Variants in WIZ observed in about 807,000 individuals in gnomAD.
The protein encoded by WIZ is protein Wiz.
WIZ carries 25 observed loss-of-function variants against 140.2 expected under a neutral mutation model. The observed-to-expected ratio is 0.18, with a 90% CI of 0.13 to 0.25. The LOEUF (loss-of-function observed/expected upper bound fraction) is 0.25, where lower values mean the gene tolerates loss of function less well. Among genes scored for constraint, WIZ ranks in the 10% least tolerant of loss-of-function variants. The pLI is 1.00. For missense variants in WIZ, 2,231 were observed against 2,632.6 expected (o/e 0.85, Z 3.34); for synonymous variants, 1,125 against 1,154.3 (o/e 0.97, Z 0.51).
At position 15,424,193 on chromosome 19, in the gene WIZ, G is replaced by A; in HGVS notation, c.5500C>T (p.Leu1834Phe). 1 of 1,541,188 alleles carries A rather than the reference G, an allele frequency of 6.5e-7. No individual in the cohort carries two copies. Among genetic ancestry groups the A allele is most frequent in the Non-Finnish European group, 8.7e-7 (1 of 1,146,952 alleles). ...LVKFVGNIYT[L>F]KCRFCEVEFQ... ...CCAGGGGCAGCCTACCTGCATTTGA[G>A]GGTGTAGATGTTGCCCACGAACTTG... is the stretch of plus-strand genomic sequence containing the variant. The change falls in exon 12 of 13, where the codon CTC (leucine) becomes TTC (phenylalanine). Residue 1834 changes from leucine to phenylalanine, a missense_variant. Leu to Phe is a conservative substitution (Grantham distance 22, BLOSUM62 0). Coordinates refer to ENST00000673675, the MANE Select transcript of WIZ (RefSeq NM_001371589.1). This position sits in a 1 kb window ranked among gnomAD's most constrained non-coding sequence, Gnocchi z 9.7.
chr19:15,437,147 G>A lies in WIZ; in HGVS notation c.2417-18C>T. 2.6e-6 allele frequency: 4 copies of A among 1,564,036 alleles called. No homozygotes were observed. Among genetic ancestry groups the A allele is most frequent in the Non-Finnish European group, 3.5e-6 (4 of 1,155,360 alleles). On this transcript the variant is annotated intron_variant, in intron 4 of 12. Coordinates refer to ENST00000673675, the MANE Select transcript of WIZ (RefSeq NM_001371589.1). ...GTTGGCCACTGTGGAGAGAGGACAG[G>A]ACTGCCTGAGGTGGAGAGGGGGCTA... is the stretch of plus-strand genomic sequence containing the variant.
rs1968340722 is a variant in WIZ at position 15,420,821 on chromosome 19, A to C, written c.*2255T>G. 6.6e-6 allele frequency: 1 copy of C among 152,208 alleles called. No individual in the cohort carries two copies. Among genetic ancestry groups the C allele is most frequent in the Admixed American group, 6.5e-5 (1 of 15,276 alleles). The allele number at this position is 152,208 out of a possible 1,614,324, so 9.4% of individuals were successfully genotyped here. On this transcript the variant is annotated 3_prime_UTR_variant, in exon 13 of 13. Coordinates refer to ENST00000673675, the MANE Select transcript of WIZ (RefSeq NM_001371589.1). ...GTCACATCTAGCCTATACCACTTTT[A>C]TATTTCAAAAACTGACTTACGGGCC...
At chr19:15,438,538 C>A (rs1375383896) in intron 4 of WIZ, 40 bp downstream of exon 4, 1 of 1,454,790 alleles carries the variant, frequency 6.9e-7, no homozygotes. Context: ...GGTTGCCCAG[C>A]CATGTGTCTC....
Position 15,427,043 on chromosome 19 carries a change from T to C in WIZ, c.4305A>G (p.Glu1435=). Residue 1435 remains glutamate, a synonymous_variant, in exon 9 of 13, where the codon GAA becomes GAG. Coordinates refer to ENST00000673675, the MANE Select transcript of WIZ (RefSeq NM_001371589.1). The surrounding 1 kb of genome is among the most constrained non-coding windows in gnomAD (Gnocchi z 6.4). ...CCCAGGGACCCTCAGATGGGTGCAG[T>C]TCCCCATGAAGGGCCCCCGGCAGCA... ...REMLPGALHG[E]LHPSEGPWGA... 6.2e-7 allele frequency: 1 copy of C among 1,614,138 alleles called. No individual in the cohort carries two copies. Among genetic ancestry groups the C allele is most frequent in the Non-Finnish European group, 8.5e-7 (1 of 1,180,000 alleles).
Position 15,430,028 on chromosome 19 carries a change from G to C in WIZ, c.2973C>G (p.Ser991=). 1.8e-5 allele frequency: 27 copies of C among 1,535,902 alleles called. No individual in the cohort carries two copies. Among genetic ancestry groups the C allele is most frequent in the Non-Finnish European group, 2.4e-5 (27 of 1,146,776 alleles). ...GACFETRKGL[S]SHARSHLRQL... is the part of the protein sequence containing the mutation. ...GCCGCAGGTGGGAGCGCGCGTGGCT[G>C]GACAGGCCCTTTCGGGTCTCAAAGC... Residue 991 remains serine (S), a synonymous_variant, in exon 7 of 13, where the codon TCC becomes TCG. Coordinates refer to ENST00000673675, the MANE Select transcript of WIZ (RefSeq NM_001371589.1).
Position 15,425,465 on chromosome 19 carries a change from C to T in WIZ, c.4670G>A (p.Arg1557Gln), listed in dbSNP as rs576608225. The T allele has an allele frequency of 1.4e-5, 23 of 1,593,316 alleles. No homozygotes were observed. The highest frequency in any genetic ancestry group is 1.8e-5 in the Non-Finnish European group (21 of 1,169,794). The change falls in exon 10 of 13, where the codon CGG becomes CAG. Residue 1557 changes from arginine to glutamine, a missense_variant. This residue lies in a region of WIZ where 393 missense variants were observed against 451.7 expected (regional missense o/e 0.87). Coordinates refer to ENST00000673675, the MANE Select transcript of WIZ (RefSeq NM_001371589.1). ...SPLPLSPLAG[R>Q]PGKPGAGPAQ... ...CGGCCCTGCACCTGGTTTGCCTGGC[C>T]GGCCAGCCAGGGGCGACAGCGGCAG...
intron 10 of WIZ, 97 bp from the exon 11 acceptor site, chr19:15,425,129 A>G: frequency 1.3e-6 from 2 of 1,518,268 alleles, no homozygotes; most frequent in South Asian, 2.5e-5. Flanking sequence ...CGCCTCCCAC[A>G]CAGACCCAGC....
In WIZ at chr19:15,442,537, C is replaced by T. The variant is rs958323628; in HGVS notation, c.278+139G>A. 32 of 591,292 alleles carry T rather than the reference C, an allele frequency of 5.4e-5. No individual in the cohort carries two copies. The highest frequency in any genetic ancestry group is 7.7e-5 in the Non-Finnish European group (31 of 403,590). The allele number at this position is 591,292 out of a possible 1,614,324, so 36.6% of individuals were successfully genotyped here. On this transcript the variant is annotated intron_variant, in intron 3 of 12. Transcript: ENST00000673675. This position sits in a 1 kb window ranked among gnomAD's most constrained non-coding sequence, Gnocchi z 5.5. The stretch of plus-strand genomic sequence containing the variant: ...AGCACACGCCCAGGGGCTTGCCTGC[C>T]GGGAGCTGACTCCTCCTCCTGCCTG...
chr19:15,423,989 G>C lies in WIZ; in HGVS notation c.5510+194C>G, dbSNP rs1170890939. On this transcript the variant is annotated intron_variant, in intron 12 of 12. Coordinates refer to ENST00000673675, the MANE Select transcript of WIZ (RefSeq NM_001371589.1). ...GAGGTCACTAAGCTGGTAAGTGGCA[G>C]AGTTGGGATTTGAACCCAGGTCTCG... 8.1e-6 allele frequency: 4 copies of C among 495,882 alleles called. No individual in the cohort carries two copies. In the East Asian group the frequency reaches 1.4e-4, roughly 17 times the overall value. 30.7% of individuals were successfully genotyped at this position (495,882 alleles called of 1,614,324 possible).
At chr19:15,438,385 G>C (rs2145354955) in intron 4 of WIZ, among the ~76,000 whole-genome samples, 193 bp downstream of exon 4, 1 of 152,326 alleles carries the variant, frequency 6.6e-6, no homozygotes, top group South Asian at 2.1e-4. Flanking sequence ...CCTTCCTCCA[G>C]TGGCTGGAAT....
chr19:15,422,956 G>T lies in WIZ; in HGVS notation c.*120C>A. 6.9e-7 allele frequency: 1 copy of T among 1,440,340 alleles called. No individual in the cohort carries two copies. The highest frequency in any genetic ancestry group is 1.4e-5 in the South Asian group (1 of 71,918). The allele number at this position is 1,440,340 out of a possible 1,614,324, so 89.2% of individuals were successfully genotyped here. On this transcript the variant is annotated 3_prime_UTR_variant, in exon 13 of 13. Coordinates refer to ENST00000673675, the MANE Select transcript of WIZ (RefSeq NM_001371589.1). ...GTGTGCCCGGCCCCCAAGGGGCGCC[G>T]GTTTGAGGTTTTGGCTTGCTCCTTT...
Position 15,425,846 on chromosome 19 carries a change from GGAGGGAGGAGGGAGGAGGAGGA to G in WIZ, c.4367-100_4367-79del, listed in dbSNP as rs1599653809. 2.1e-4 allele frequency: 6 copies of G among 28,520 alleles called. 1 individual carries two copies. The highest frequency in any genetic ancestry group is 9.4e-4 in the South Asian group (2 of 2,120). The allele number at this position is 28,520 out of a possible 1,614,324, so 1.8% of individuals were successfully genotyped here. ...GAGGAGGGAGGAGGAGGGAGGAGGA[GGAGGGAGGAGGGAGGAGGAGGA>G]GGAGGAGGAGGAGGAGGAGGAGGAG... On this transcript the variant is annotated intron_variant, in intron 9 of 12. Transcript: ENST00000673675.
At position 15,438,708 on chromosome 19, in the gene WIZ, G is replaced by A. The variant is rs1164368237; in HGVS notation, c.2286C>T (p.Ile762=). ...GGCCCCGGACGTGGTTGGCCAAGCC[G>A]ATGCCGTTGTGGAAGCGATCGGGGC... ...PYCPDRFHNG[I]GLANHVRGHL... The change falls in exon 4 of 13, where the codon ATC becomes ATT. Residue 762 remains isoleucine (I), a synonymous_variant. Coordinates refer to ENST00000673675, the MANE Select transcript of WIZ (RefSeq NM_001371589.1). The A allele has an allele frequency of 1.8e-5, 28 of 1,536,058 alleles. No individual in the cohort carries two copies. Among genetic ancestry groups the A allele is most frequent in the Middle Eastern group, 1.7e-4 (1 of 6,012 alleles).
At position 15,425,665 on chromosome 19, in the gene WIZ, C is replaced by T; in HGVS notation, c.4470G>A (p.Gln1490=). ...TGACGGACCACTCGGTCACACCCAT[C>T]TGCCGCAGGTGTGAGCGCGCGTGAC... The part of the protein sequence containing the change: ...LSSHARSHLR[Q]MGVTEWSVNG... Residue 1490 remains glutamine, a synonymous_variant, in exon 10 of 13, where the codon CAG becomes CAA. Coordinates refer to ENST00000673675, the MANE Select transcript of WIZ (RefSeq NM_001371589.1). 1 of 1,613,598 alleles carries T rather than the reference C, an allele frequency of 6.2e-7. No individual in the cohort carries two copies. The highest frequency in any genetic ancestry group is 1.7e-5 in the Admixed American group (1 of 60,006).
intron 2 of WIZ, among the ~76,000 whole-genome samples, chr19:15,444,119 G>C (rs943014294): frequency 6.6e-6 from 1 of 152,208 alleles, no homozygotes; most frequent in Non-Finnish European, 1.5e-5. Context: ...GCAATTGTTG[G>C]ATTAGCCTCA....
At position 15,430,910 on chromosome 19, in the gene WIZ, C is replaced by T. The variant is rs546199378; in HGVS notation, c.2911+102G>A. The T allele has an allele frequency of 5.5e-5, 75 of 1,372,968 alleles. No homozygotes were observed. In the African/African-American group the frequency reaches 9.5e-4, roughly 17 times the overall value. 85.0% of individuals were successfully genotyped at this position (1,372,968 alleles called of 1,614,324 possible). On this transcript the variant is annotated intron_variant, in intron 6 of 12. Transcript: ENST00000673675. ...CCTCAAGGTGCCAGAGGGAAAACTG[C>T]GGGCAACCTTGGGCCCCACATTAAC... is the stretch of plus-strand genomic sequence containing the variant.
chr19:15,424,826 T>C lies in WIZ; in HGVS notation c.5101A>G (p.Thr1701Ala). ...TGGCCGGCACTGCGGAACTTCTTGGTGAAGGGGCGGCCGCCCTGGATGTAG... is the reference window on the plus strand; with the variant it reads ...TGGCCGGCACTGCGGAACTTCTTGGCGAAGGGGCGGCCGCCCTGGATGTAG... ...RSYIQGGRPF[T>A]KKFRSAGHGR... is the part of the protein sequence containing the mutation. Residue 1701 changes from threonine (T) to alanine (A), a missense_variant, in exon 11 of 13, where the codon ACC becomes GCC. Physicochemically the swap from Thr to Ala is moderately conservative, Grantham distance 58. Around this residue, in one of 15 missense-constraint regions of WIZ, gnomAD observed 299 missense variants for 309.6 expected, o/e 0.97. Transcript: ENST00000673675. The surrounding 1 kb of genome is among the most constrained non-coding windows in gnomAD (Gnocchi z 9.7). The C allele has an allele frequency of 6.2e-7, 1 of 1,609,422 alleles. No individual in the cohort carries two copies. The highest frequency in any genetic ancestry group is 8.5e-7 in the Non-Finnish European group (1 of 1,178,758).
rs756282220 is a variant in WIZ, at chr19:15,427,504, G to C, written c.3844C>G (p.Arg1282Gly). The change falls in exon 9 of 13, where the codon CGC becomes GGC. Residue 1282 changes from arginine (R) to glycine (G), a missense_variant. Coordinates refer to ENST00000673675, the MANE Select transcript of WIZ (RefSeq NM_001371589.1). This position sits in a 1 kb window ranked among gnomAD's most constrained non-coding sequence, Gnocchi z 6.4. ...SSGPEPARDI[R>G]CEFCGEFFEN... ...AAGAACTCACCACAGAACTCGCAGC[G>C]GATGTCTCGTGCTGGCTCTGGGCCT... is the stretch of plus-strand genomic sequence containing the variant. 6.2e-7 allele frequency: 1 copy of C among 1,610,924 alleles called. No homozygotes were observed. The highest frequency in any genetic ancestry group is 8.5e-7 in the Non-Finnish European group (1 of 1,178,118).
rs1968360159 is a variant in WIZ, at chr19:15,421,340, G to A, written c.*1736C>T. 1 of 152,232 alleles carries A rather than the reference G, an allele frequency of 6.6e-6. No homozygotes were observed. The highest frequency in any genetic ancestry group is 2.4e-5 in the African/African-American group (1 of 41,454). 9.4% of individuals were successfully genotyped at this position (152,232 alleles called of 1,614,324 possible). A position where few individuals can be genotyped will look rare whatever the true frequency, so the allele number is the denominator to read the frequency against. ...GTGTGGGCCAAGACCACCCTTGTGG[G>A]CGTTATTGCAGCCTGTTAATCCCTC... On this transcript the variant is annotated 3_prime_UTR_variant, in exon 13 of 13. Transcript: ENST00000673675.
Sources: gnomAD v4.1 joint callset for allele counts (sites outside exome capture counted in the v4.1 genomes callset) on GRCh38, gnomAD v4.1.1 for gene constraint, gnomAD v4.1.1 regional missense constraint, Gnocchi (gnomAD v3.1) non-coding constraint, MANE v1.5 for transcripts, NCBI Gene and HGNC (gene_info 2026-07-23, HGNC 2026-07-21) for gene names.